The following AGAP1 variants were observed in gnomAD, a reference collection of about 807,000 sequenced individuals.
The protein encoded by AGAP1 is arf-GAP with GTPase, ANK repeat and PH domain-containing protein 1.
Under a neutral mutation model 105.3 loss-of-function variants are expected in AGAP1, and 29 were observed. The ratio of observed to expected loss-of-function variants is 0.28; its 90% CI spans 0.21 to 0.38. The LOEUF (loss-of-function observed/expected upper bound fraction) is 0.38, where lower values mean the gene tolerates loss of function less well. Ranked by LOEUF, AGAP1 falls within the 10% of genes least tolerant of loss-of-function variation. AGAP1 has a pLI of 1.00. For synonymous variants in AGAP1, 509 were observed against 485.9 expected, an observed-to-expected ratio of 1.05 and a Z score of -0.63; for missense variants, 998 against 1,165.1, an observed-to-expected ratio of 0.86 and a Z score of 2.09.
rs1366697219 is a variant in AGAP1, at chr2:235,752,770, G to A, written c.673+2282G>A. On this transcript the variant is annotated intron_variant, in intron 6 of 17. Coordinates refer to ENST00000304032, the MANE Select transcript of AGAP1 (RefSeq NM_001037131.3). This position sits in a 1 kb window ranked among gnomAD's most constrained non-coding sequence, Gnocchi z 4.3. ...GATGAGTGCTTCTTATAAAAATAAT[G>A]TTGTCAATTAATGAATACTGGGGGT... is the stretch of plus-strand genomic sequence containing the variant. Among the ~76,000 whole-genome samples the A allele has an allele frequency of 6.6e-6, 1 of 152,202 alleles. No homozygotes were observed. Among genetic ancestry groups the A allele is most frequent in the East Asian group, 1.9e-4 (1 of 5,202 alleles).
chr2:235,686,661 ATATATTTT>A (rs1949457147), intron 1 of AGAP1, among the ~76,000 whole-genome samples: 13 of 48,436 alleles, frequency 2.7e-4, no homozygotes, highest in African/African-American at 1.6e-3. Flanking sequence ...ATATATATAT[ATATATTTT>A]TTTTTTTTTT....
At chr2:235,802,673 GTGATGATGGTTGTGGTGGTGA>G (rs1559505191) in intron 8 of AGAP1, among the ~76,000 whole-genome samples, 2 of 149,908 alleles carry the variant, frequency 1.3e-5, no homozygotes, top group African/African-American at 2.5e-5. Context: ...TGTGGTTGTG[GTGATGATGGTTGTGGTGGTGA>G]TGATGGTTGT....
At chr2:236,110,204 G>T (rs544029603) in intron 16 of AGAP1, among the ~76,000 whole-genome samples, 4 of 152,214 alleles carry the variant, frequency 2.6e-5, no homozygotes, top group Admixed American at 1.3e-4. Context: ...TGTGTAAAAG[G>T]TTCAGCCTGG....
intron 12 of AGAP1, among the ~76,000 whole-genome samples, chr2:235,943,411 G>A (rs1412662367): frequency 7.7e-6 from 1 of 129,208 alleles, no homozygotes; most frequent in Admixed American, 8.9e-5. Context: ...CACCCAGGCT[G>A]GAGTGCAGTG....
rs75091605 is a variant in AGAP1 at position 235,765,300 on chromosome 2, G to A, written c.673+14812G>A. 7.2e-3 allele frequency among the ~76,000 whole-genome samples: 1,080 copies of A among 149,680 alleles called. 14 individuals carry two copies. The highest frequency in any genetic ancestry group is 0.026 in the African/African-American group (1,043 of 39,378). ...TGGGGGTATCTGGGAGCGTCTGTGG[G>A]GTGGGCGTATCTGGGAGTGTCTGTG... On this transcript the variant is annotated intron_variant, in intron 6 of 17. Coordinates refer to ENST00000304032, the MANE Select transcript of AGAP1 (RefSeq NM_001037131.3).
intron 16 of AGAP1, among the ~76,000 whole-genome samples, chr2:236,097,842 C>G: frequency 6.6e-6 from 1 of 152,170 alleles, no homozygotes; most frequent in Non-Finnish European, 1.5e-5. Context: ...CTGGCCCCCA[C>G]CATTCTACTC....
chr2:235,594,993 G>A (rs55864548), intron 1 of AGAP1, among the ~76,000 whole-genome samples: 1 of 151,426 alleles, frequency 6.6e-6, no homozygotes, highest in African/African-American at 2.4e-5. Flanking sequence ...GCACCAGGCT[G>A]GCACTGGCAA....
At chr2:235,823,347 C>G (rs1346192904) in intron 9 of AGAP1, among the ~76,000 whole-genome samples, 1 of 152,162 alleles carries the variant, frequency 6.6e-6, no homozygotes, top group Admixed American at 6.5e-5. Context: ...ATCACCCAGG[C>G]TGGTCTCGAG....
intron 1 of AGAP1, among the ~76,000 whole-genome samples, chr2:235,597,680 T>G (rs35464053): frequency 0.14 from 21,531 of 151,702 alleles, 1,971 homozygotes; most frequent in Middle Eastern, 0.23. Context: ...GGATTCCCGC[T>G]GGGGCCCTGT....
intron 1 of AGAP1, among the ~76,000 whole-genome samples, chr2:235,626,442 G>A (rs1946639538): frequency 6.6e-6 from 1 of 152,176 alleles, no homozygotes; most frequent in East Asian, 1.9e-4. Flanking sequence ...GTAAGGTCTG[G>A]GTGCAGTGCA....
chr2:235,991,945 G>T (rs1412033838), intron 13 of AGAP1, among the ~76,000 whole-genome samples: 1 of 152,184 alleles, frequency 6.6e-6, no homozygotes, highest in African/African-American at 2.4e-5. Context: ...GCAAAAAAAC[G>T]CTTAGAATCT....
intron 1 of AGAP1, among the ~76,000 whole-genome samples, chr2:235,708,576 A>G (rs931234985): frequency 2.0e-5 from 3 of 151,280 alleles, no homozygotes; most frequent in African/African-American, 7.4e-5. Flanking sequence ...CTGGGTCTTC[A>G]GTGTTTAATA....
At chr2:235,928,451 G>A (rs2052560576) in intron 11 of AGAP1, among the ~76,000 whole-genome samples, 1 of 152,164 alleles carries the variant, frequency 6.6e-6, no homozygotes, top group South Asian at 2.1e-4. Flanking sequence ...ACTGCTCGGG[G>A]AACGAGCCCT....
rs1162171678 is a variant in AGAP1, at chr2:235,842,078, C to T, written c.1050+34747C>T. ...ATGTCGCTCATGTGGAGGAGGGCCT[C>T]TCGTTGGAAGCCCAGGCTCACTCCA... On this transcript the variant is annotated intron_variant, in intron 9 of 17. Transcript: ENST00000304032. This position sits in a 1 kb window ranked among gnomAD's most constrained non-coding sequence, Gnocchi z 5.3. Among the ~76,000 whole-genome samples, 3 of 152,204 alleles carry T rather than the reference C, an allele frequency of 2.0e-5. No homozygotes were observed. The highest frequency in any genetic ancestry group is 7.2e-5 in the African/African-American group (3 of 41,436).
chr2:235,789,473 G>A lies in AGAP1; in HGVS notation c.674-8286G>A, dbSNP rs1176801694. Among the ~76,000 whole-genome samples the A allele has an allele frequency of 2.6e-5, 4 of 152,036 alleles. No individual in the cohort carries two copies. The highest frequency in any genetic ancestry group is 2.1e-4 in the South Asian group (1 of 4,824). On this transcript the variant is annotated intron_variant, in intron 6 of 17. Coordinates refer to ENST00000304032, the MANE Select transcript of AGAP1 (RefSeq NM_001037131.3). The surrounding 1 kb of genome is among the most constrained non-coding windows in gnomAD (Gnocchi z 4.2). ...GAAGATAAATTTGTTTTAATACAACGAGATAAAAAGAATACAGACAAGAAC... is the reference window on the plus strand; with the variant it reads ...GAAGATAAATTTGTTTTAATACAACAAGATAAAAAGAATACAGACAAGAAC...
At position 235,907,763 on chromosome 2, in the gene AGAP1, C is replaced by A. The variant is rs72987032; in HGVS notation, c.1156-975C>A. Among the ~76,000 whole-genome samples the A allele has an allele frequency of 3.2e-3, 486 of 152,174 alleles. 2 individuals carry two copies. Among genetic ancestry groups the A allele is most frequent in the Non-Finnish European group, 5.6e-3 (384 of 68,010 alleles). ...TAACCTGCACACATTCTCCCGTATA[C>A]CTTAAATCATCCCTAGATTACTTAT... On this transcript the variant is annotated intron_variant, in intron 10 of 17. Transcript: ENST00000304032.
At position 236,131,034 on chromosome 2, in the gene AGAP1, G is replaced by A. The variant is rs2060075330; in HGVS notation, c.*6912G>A. The A allele has an allele frequency of 1.3e-5, 2 of 152,254 alleles. No homozygotes were observed. Among genetic ancestry groups the A allele is most frequent in the South Asian group, 4.1e-4 (2 of 4,836 alleles). 9.4% of individuals were successfully genotyped at this position (152,254 alleles called of 1,614,324 possible). On this transcript the variant is annotated 3_prime_UTR_variant, in exon 18 of 18. Coordinates refer to ENST00000304032, the MANE Select transcript of AGAP1 (RefSeq NM_001037131.3). The surrounding 1 kb of genome is among the most constrained non-coding windows in gnomAD (Gnocchi z 5.9). ...GTGTGCATTTAGAAGCTGCTTCGTG[G>A]CGTTAAGAACGGGGGGAGAGGGACC...
intron 1 of AGAP1, among the ~76,000 whole-genome samples, chr2:235,645,559 A>G (rs1178440073): frequency 6.6e-6 from 1 of 152,118 alleles, no homozygotes; most frequent in African/African-American, 2.4e-5. Context: ...ATCCAGGGCC[A>G]CCGTGAAAGA....
chr2:236,018,308 G>T (rs1414154565), intron 13 of AGAP1, among the ~76,000 whole-genome samples: 1 of 152,192 alleles, frequency 6.6e-6, no homozygotes, highest in African/African-American at 2.4e-5. Context: ...AATACCAGAT[G>T]ACTGAGGCTA....
Sources: gnomAD v4.1 joint callset for allele counts (sites outside exome capture counted in the v4.1 genomes callset) on GRCh38, gnomAD v4.1.1 for gene constraint, Gnocchi (gnomAD v3.1) non-coding constraint, MANE v1.5 for transcripts, NCBI Gene and HGNC (gene_info 2026-07-23, HGNC 2026-07-21) for gene names.